ADAMTSL1: variants seen among roughly 807,000 people sequenced by gnomAD.
ADAMTSL1 encodes ADAMTS like 1.
A neutral mutation model predicts 201.8 loss-of-function variants in ADAMTSL1; 126 were observed. The observed-to-expected ratio is 0.62, with a 90% CI of 0.54 to 0.72. The LOEUF (loss-of-function observed/expected upper bound fraction) is 0.72. Among genes scored for constraint, ADAMTSL1 ranks in the 30% least tolerant of loss-of-function variants. The pLI is 0.00. For missense variants in ADAMTSL1, 2,679 were observed against 2,277.8 expected, an observed-to-expected ratio of 1.18 and a Z score of -3.59; for synonymous variants, 1,121 against 903.4, an observed-to-expected ratio of 1.24 and a Z score of -4.32.
At chr9:18,164,494 A>G (rs1295497400) in intron 2 of ADAMTSL1, among the ~76,000 whole-genome samples, 1 of 151,766 alleles carries the variant, frequency 6.6e-6, no homozygotes, top group Non-Finnish European at 1.5e-5. Flanking sequence ...TCAAATGAAA[A>G]CAATAGTACA....
At chr9:18,783,582 G>T (rs551883296) in intron 19 of ADAMTSL1, among the ~76,000 whole-genome samples, 7 of 152,108 alleles carry the variant, frequency 4.6e-5, no homozygotes, top group Non-Finnish European at 8.8e-5. Context: ...ACAGCCAGTG[G>T]CTTTAACATC....
At chr9:17,959,645 AC>A (rs1259002803) in intron 1 of ADAMTSL1, among the ~76,000 whole-genome samples, 1 of 152,022 alleles carries the variant, frequency 6.6e-6, no homozygotes, top group Non-Finnish European at 1.5e-5. Flanking sequence ...TTTAGTAGAG[AC>A]AGTGTTTCAC....
intron 2 of ADAMTSL1, among the ~76,000 whole-genome samples, chr9:18,190,981 A>T (rs1022267036): frequency 2.6e-5 from 4 of 152,224 alleles, no homozygotes; most frequent in Admixed American, 2.6e-4. Flanking sequence ...AATTTCCACA[A>T]GAAATCTAGA....
chr9:17,977,921 A>T (rs1588511115), intron 1 of ADAMTSL1, among the ~76,000 whole-genome samples: 1 of 151,888 alleles, frequency 6.6e-6, no homozygotes, highest in Non-Finnish European at 1.5e-5. Context: ...AAAATCCCCT[A>T]CCATTATTGT....
At chr9:18,732,874 A>G (rs905674062) in intron 15 of ADAMTSL1, among the ~76,000 whole-genome samples, 8 of 152,322 alleles carry the variant, frequency 5.3e-5, no homozygotes, top group African/African-American at 1.9e-4. Flanking sequence ...AGCACTTACA[A>G]TATGCATGGC....
At chr9:18,402,018 C>G (rs1037899395) in intron 2 of ADAMTSL1, among the ~76,000 whole-genome samples, 14 of 152,188 alleles carry the variant, frequency 9.2e-5, no homozygotes, top group African/African-American at 3.4e-4. Context: ...TTCTTGTGAG[C>G]TATCTGGTGA....
At chr9:18,551,207 G>T (rs1293658916) in intron 3 of ADAMTSL1, among the ~76,000 whole-genome samples, 2 of 151,828 alleles carry the variant, frequency 1.3e-5, no homozygotes, top group Admixed American at 6.6e-5. Flanking sequence ...CCTTGCCAGT[G>T]CTTGATATTG....
At chr9:18,622,617 C>A (rs773350913) in intron 5 of ADAMTSL1, 59 of 587,132 alleles carry the variant, frequency 1.0e-4, no homozygotes, top group Non-Finnish European at 1.7e-4. Context: ...CATGGGGCTA[C>A]AAATACTTTC....
intron 1 of ADAMTSL1, among the ~76,000 whole-genome samples, chr9:17,983,681 TG>T (rs1818813609): frequency 6.6e-6 from 1 of 152,202 alleles, no homozygotes. Flanking sequence ...TAAGGTGATT[TG>T]GCTACATGTA....
chr9:18,796,927 C>A (rs1822460971), intron 20 of ADAMTSL1, among the ~76,000 whole-genome samples: 1 of 152,166 alleles, frequency 6.6e-6, no homozygotes. Context: ...AGGATTAATT[C>A]TCTTGTTTAT....
At chr9:18,460,389 C>T (rs1563974004) in intron 2 of ADAMTSL1, among the ~76,000 whole-genome samples, 1 of 152,136 alleles carries the variant, frequency 6.6e-6, no homozygotes, top group African/African-American at 2.4e-5. Context: ...CAGCCAGGTC[C>T]TTTTCAATTT....
chr9:18,124,936 T>C (rs1825669362), intron 1 of ADAMTSL1, among the ~76,000 whole-genome samples: 1 of 152,190 alleles, frequency 6.6e-6, no homozygotes, highest in Non-Finnish European at 1.5e-5. Flanking sequence ...TTTTCTGTTT[T>C]CTTAGGAGTT....
chr9:18,841,331 G>A, intron 23 of ADAMTSL1, among the ~76,000 whole-genome samples: 1 of 151,842 alleles, frequency 6.6e-6, no homozygotes, highest in Non-Finnish European at 1.5e-5. Flanking sequence ...TTATATGCTG[G>A]ATTACATTTA....
At chr9:18,040,559 C>T (rs993636193) in intron 1 of ADAMTSL1, among the ~76,000 whole-genome samples, 3 of 152,116 alleles carry the variant, frequency 2.0e-5, no homozygotes, top group Non-Finnish European at 4.4e-5. Flanking sequence ...CTTGAGCAGT[C>T]CTGCCATAGT....
chr9:18,430,649 G>A (rs1819447104), intron 2 of ADAMTSL1, among the ~76,000 whole-genome samples: 1 of 152,164 alleles, frequency 6.6e-6, no homozygotes, highest in Admixed American at 6.6e-5. Flanking sequence ...ACAACTAAAA[G>A]AGGCTTGTGA....
intron 1 of ADAMTSL1, among the ~76,000 whole-genome samples, chr9:17,938,026 A>AT (rs897523427): frequency 2.6e-5 from 4 of 152,068 alleles, no homozygotes; most frequent in Non-Finnish European, 4.4e-5. Flanking sequence ...AAACAGATGG[A>AT]TTTTTTTCCC....
At chr9:18,618,901 A>G (rs1825861261) in intron 4 of ADAMTSL1, among the ~76,000 whole-genome samples, 1 of 152,204 alleles carries the variant, frequency 6.6e-6, no homozygotes, top group South Asian at 2.1e-4. Context: ...ATTGGGGTCC[A>G]GTACAAGAAA....
At chr9:18,060,350 G>T (rs1411244) in intron 1 of ADAMTSL1, among the ~76,000 whole-genome samples, 87,588 of 151,966 alleles carry the variant, frequency 0.58, 25,442 homozygotes, top group South Asian at 0.66. Flanking sequence ...TTATACTGTA[G>T]GCACCTCAGA....
chr9:18,703,811 C>G (rs973851199), intron 13 of ADAMTSL1, among the ~76,000 whole-genome samples: 16 of 147,052 alleles, frequency 1.1e-4, no homozygotes, highest in African/African-American at 3.8e-4. Flanking sequence ...GTAGAATGGC[C>G]TTTCTATTTT....
Sources: allele counts gnomAD v4.1 joint callset (sites outside exome capture counted in the v4.1 genomes callset), GRCh38; gene constraint gnomAD v4.1.1; transcripts MANE v1.5; gene names NCBI Gene and HGNC (gene_info 2026-07-23, HGNC 2026-07-21).